Variants in INTU observed in about 807,000 individuals in gnomAD.
The protein encoded by INTU is protein inturned.
In INTU, 68 loss-of-function variants were observed where a neutral mutation model predicts 100.5. The ratio of observed to expected loss-of-function variants is 0.68; its 90% CI spans 0.56 to 0.83. The LOEUF is 0.83. Among genes scored for constraint, INTU ranks in the 40% least tolerant of loss-of-function variants. The pLI is 0.00. For missense variants in INTU, 1,071 were observed against 1,114.7 expected, an observed-to-expected ratio of 0.96 and a Z score of 0.56; for synonymous variants, 357 against 395.7, an observed-to-expected ratio of 0.90 and a Z score of 1.16.
Position 127,706,482 on chromosome 4 carries a change from T to C in INTU, c.1789-5T>C. ...AACCTACATTTGTAATTTTTTTCCC[T>C]ATAGAAACATTATATGCTATGTGTA... On this transcript the variant is annotated splice_polypyrimidine_tract_variant and splice_region_variant and intron_variant, in intron 11 of 15. Coordinates refer to ENST00000335251, the MANE Select transcript of INTU (RefSeq NM_015693.4). The C allele has an allele frequency of 6.3e-7, 1 of 1,590,228 alleles. No individual in the cohort carries two copies. The highest frequency in any genetic ancestry group is 8.6e-7 in the Non-Finnish European group (1 of 1,167,570).
chr4:127,655,167 A>T (rs1728124340), intron 2 of INTU, among the ~76,000 whole-genome samples: 1 of 151,860 alleles, frequency 6.6e-6, no homozygotes, highest in South Asian at 2.1e-4. Context: ...CTTTGGTTTG[A>T]ATGTCCTCTC....
chr4:127,697,520 T>C (rs937593420), intron 8 of INTU, among the ~76,000 whole-genome samples: 2 of 152,180 alleles, frequency 1.3e-5, no homozygotes, highest in African/African-American at 2.4e-5. Flanking sequence ...TTCTGTGATA[T>C]CAGCTTTTTT....
At chr4:127,707,535 A>G (rs1730940339) in intron 12 of INTU, among the ~76,000 whole-genome samples, 2 of 152,124 alleles carry the variant, frequency 1.3e-5, no homozygotes, top group Admixed American at 1.3e-4. Flanking sequence ...TTGCAATGAC[A>G]ACAGAGAGCA....
At chr4:127,646,125 A>C (rs1727574940) in intron 2 of INTU, among the ~76,000 whole-genome samples, 1 of 151,718 alleles carries the variant, frequency 6.6e-6, no homozygotes, top group African/African-American at 2.4e-5. Context: ...CAGAGGTTGC[A>C]ATGAGCCAAG....
chr4:127,644,587 A>G (rs768663769), intron 2 of INTU, among the ~76,000 whole-genome samples: 1 of 152,190 alleles, frequency 6.6e-6, no homozygotes, highest in African/African-American at 2.4e-5. Flanking sequence ...TATATCTGTC[A>G]TAAAATAGCC....
At chr4:127,662,034 G>T (rs1418846196) in intron 3 of INTU, among the ~76,000 whole-genome samples, 3 of 152,056 alleles carry the variant, frequency 2.0e-5, no homozygotes, top group Admixed American at 2.0e-4. Flanking sequence ...TTTCCCTGAT[G>T]ATTAGTCATG....
rs1266533930 is a variant in INTU at position 127,713,976 on chromosome 4, CA to C, written c.2603del (p.Lys868SerfsTer37). On this transcript the variant is annotated frameshift_variant, in exon 15 of 16. Transcript: ENST00000335251. LOFTEE classifies it high-confidence loss of function. The stretch of plus-strand genomic sequence containing the variant: ...AATAGTGGAGACCATTCAGATTCTG[CA>C]AAGTCAGTGTCTTCTCTTAACCCTG... ...GLNSGDHSDS[A>X]KSVSSLNPVK... The C allele has an allele frequency of 6.2e-7, 1 of 1,611,866 alleles. No individual in the cohort carries two copies. Among genetic ancestry groups the C allele is most frequent in the Non-Finnish European group, 8.5e-7 (1 of 1,178,462 alleles).
intron 13 of INTU, among the ~76,000 whole-genome samples, chr4:127,710,494 G>A (rs911365672): frequency 2.0e-5 from 3 of 152,062 alleles, no homozygotes; most frequent in Non-Finnish European, 2.9e-5. Flanking sequence ...TTAATTTGTT[G>A]GAAGGTATTT....
chr4:127,704,359 C>A, intron 10 of INTU, 69 bp downstream of exon 10: 1 of 1,116,684 alleles, frequency 9.0e-7, no homozygotes, highest in Non-Finnish European at 1.3e-6. Context: ...AAAACTTTTA[C>A]AAACATGAAA....
chr4:127,706,206 C>T (rs184936627), intron 11 of INTU, among the ~76,000 whole-genome samples: 8 of 152,222 alleles, frequency 5.3e-5, no homozygotes, highest in African/African-American at 1.9e-4. Flanking sequence ...AAAGGACTTC[C>T]AGTAACTGAG....
rs575685528 is a variant in INTU, at chr4:127,721,574, G to C, written c.*5138G>C. ...ATCCAGAAGTGTGTTTTCCAACTTG[G>C]TTCCATTCTTCTGTCTCTTTCAGGT... On this transcript the variant is annotated 3_prime_UTR_variant, in exon 16 of 16. Transcript: ENST00000335251. 6.6e-6 allele frequency: 1 copy of C among 152,264 alleles called. No individual in the cohort carries two copies. The highest frequency in any genetic ancestry group is 6.5e-5 in the Admixed American group (1 of 15,290). 9.4% of individuals were successfully genotyped at this position (152,264 alleles called of 1,614,324 possible). A position where few individuals can be genotyped will look rare whatever the true frequency, so the allele number is the denominator to read the frequency against.
At chr4:127,701,597 T>C (rs1730651803) in intron 9 of INTU, among the ~76,000 whole-genome samples, 1 of 152,126 alleles carries the variant, frequency 6.6e-6, no homozygotes, top group Admixed American at 6.6e-5. Flanking sequence ...ACAGATGAAA[T>C]TATATAATAT....
intron 8 of INTU, among the ~76,000 whole-genome samples, chr4:127,697,303 T>C (rs1441383704): frequency 6.6e-6 from 1 of 152,150 alleles, no homozygotes; most frequent in African/African-American, 2.4e-5. Flanking sequence ...CTCTTTCCTC[T>C]CCCAATTTCT....
At chr4:127,661,199 A>G (rs1019812933) in intron 3 of INTU, among the ~76,000 whole-genome samples, 3 of 152,196 alleles carry the variant, frequency 2.0e-5, no homozygotes, top group Non-Finnish European at 4.4e-5. Context: ...TCCTTGCACC[A>G]CAGAAAATAA....
At chr4:127,672,609 A>G (rs2126210663) in intron 5 of INTU, among the ~76,000 whole-genome samples, 1 of 152,056 alleles carries the variant, frequency 6.6e-6, no homozygotes, top group South Asian at 2.1e-4. Context: ...TTTTTTAAGA[A>G]GGTAATAAAT....
chr4:127,657,338 A>T (rs758243786), intron 3 of INTU, among the ~76,000 whole-genome samples: 3 of 152,172 alleles, frequency 2.0e-5, no homozygotes, highest in African/African-American at 7.2e-5. Flanking sequence ...TGCAAGTGCT[A>T]TACCTTTTGG....
At chr4:127,710,820 C>T in intron 13 of INTU, 93 bp from the exon 14 acceptor site, 1 of 687,386 alleles carries the variant, frequency 1.5e-6, no homozygotes, top group Non-Finnish European at 2.2e-6. Flanking sequence ...TAGATAAAAG[C>T]TTATAAGAAG....
intron 1 of INTU, among the ~76,000 whole-genome samples, chr4:127,640,524 G>C (rs1344114566): frequency 8.8e-6 from 1 of 113,486 alleles, no homozygotes; most frequent in Admixed American, 1.0e-4. Context: ...AATTGGTATA[G>C]TCTTTTGGGT....
chr4:127,690,275 A>T (rs141171054), intron 8 of INTU, among the ~76,000 whole-genome samples: 21 of 152,350 alleles, frequency 1.4e-4, no homozygotes, highest in Non-Finnish European at 2.5e-4. Context: ...CTAAAAGAAT[A>T]TCAAATTAAG....
Sources: gnomAD v4.1 joint callset for allele counts (sites outside exome capture counted in the v4.1 genomes callset) on GRCh38, gnomAD v4.1.1 for gene constraint, MANE v1.5 for transcripts, NCBI Gene and HGNC (gene_info 2026-07-23, HGNC 2026-07-21) for gene names.